The following GAD2 variants were observed in gnomAD, a reference collection of about 807,000 sequenced individuals.
GAD2 encodes the protein glutamate decarboxylase 2, also known as 65 kDa glutamic acid decarboxylase.
A neutral mutation model predicts 80.1 loss-of-function variants in GAD2; 22 were observed. The ratio of observed to expected loss-of-function variants is 0.27; its 90% CI spans 0.20 to 0.39. GAD2 has a LOEUF of 0.39. GAD2 is among the 10% of genes least tolerant of loss of function. The pLI, the probability that GAD2 is intolerant of heterozygous loss-of-function variation, is 1.00. For missense variants in GAD2, 624 were observed against 738.4 expected (o/e 0.85, Z 1.80); for synonymous variants, 274 against 256.9 (o/e 1.07, Z -0.64).
intron 15 of GAD2, among the ~76,000 whole-genome samples, chr10:26,299,086 A>G (rs1300224420): frequency 6.6e-6 from 1 of 152,170 alleles, no homozygotes; most frequent in Non-Finnish European, 1.5e-5. Flanking sequence ...GGAATCATCC[A>G]CGTTCATTTT....
intron 15 of GAD2, among the ~76,000 whole-genome samples, chr10:26,295,508 G>GCACGCA (rs1554853882): frequency 7.5e-6 from 1 of 133,822 alleles, no homozygotes; most frequent in East Asian, 2.2e-4. Flanking sequence ...TCATACGCAT[G>GCACGCA]CACACACACA....
Position 26,217,732 on chromosome 10 carries a change from T to G in GAD2, c.136+63T>G. ...GCGGGGTCCAAGCAGTCTTCTCACC[T>G]CCGCATCCCAGTCAGCGGAGTCGGG... is the stretch of plus-strand genomic sequence containing the variant. On this transcript the variant is annotated intron_variant, in intron 2 of 15. Coordinates refer to ENST00000376261, the MANE Select transcript of GAD2 (RefSeq NM_001134366.2). This position sits in a 1 kb window ranked among gnomAD's most constrained non-coding sequence, Gnocchi z 4.9. The G allele has an allele frequency of 6.3e-7, 1 of 1,594,194 alleles. No homozygotes were observed. Among genetic ancestry groups the G allele is most frequent in the Non-Finnish European group, 8.6e-7 (1 of 1,169,296 alleles).
chr10:26,303,224 A>T lies in GAD2; in HGVS notation c.*2263A>T, dbSNP rs1589157357. On this transcript the variant is annotated 3_prime_UTR_variant, in exon 16 of 16. Transcript: ENST00000376261. ...TTGTGCCTATATATGAAATTCCAGC[A>T]AAACAATTCTAGCAACAACAATAGC... is the stretch of plus-strand genomic sequence containing the variant. 1 of 152,186 alleles carries T rather than the reference A, an allele frequency of 6.6e-6. No homozygotes were observed. Among genetic ancestry groups the T allele is most frequent in the Non-Finnish European group, 1.5e-5 (1 of 68,052 alleles). The allele number at this position is 152,186 out of a possible 1,614,324, so 9.4% of individuals were successfully genotyped here. A position where few individuals can be genotyped will look rare whatever the true frequency, so the allele number is the denominator to read the frequency against.
chr10:26,254,690 A>T (rs1844923684), intron 8 of GAD2, among the ~76,000 whole-genome samples: 1 of 152,244 alleles, frequency 6.6e-6, no homozygotes, highest in South Asian at 2.1e-4. Flanking sequence ...CAGGGGAACA[A>T]CAGCATATTT....
chr10:26,268,526 G>A (rs528370782), intron 8 of GAD2, among the ~76,000 whole-genome samples: 1 of 151,480 alleles, frequency 6.6e-6, no homozygotes, highest in South Asian at 2.1e-4. Context: ...ATAATATTAA[G>A]CAAAGCAGTA....
chr10:26,265,700 TA>T (rs1247056053), intron 8 of GAD2, among the ~76,000 whole-genome samples: 1 of 152,338 alleles, frequency 6.6e-6, no homozygotes, highest in African/African-American at 2.4e-5. Flanking sequence ...GTATAATTAT[TA>T]AAGATATATG....
intron 8 of GAD2, among the ~76,000 whole-genome samples, chr10:26,255,330 A>G (rs1484995569): frequency 6.6e-6 from 1 of 152,122 alleles, no homozygotes; most frequent in East Asian, 1.9e-4. Context: ...GCGGCTGATG[A>G]GTTTGGCAAG....
At chr10:26,287,514 A>G (rs955968557) in intron 13 of GAD2, among the ~76,000 whole-genome samples, 1 of 152,260 alleles carries the variant, frequency 6.6e-6, no homozygotes, top group Admixed American at 6.5e-5. Flanking sequence ...GGAAGATTAC[A>G]TAATTGTTTT....
chr10:26,218,541 T>TCTCG (rs1264231708), intron 3 of GAD2, among the ~76,000 whole-genome samples: 8 of 88,894 alleles, frequency 9.0e-5, no homozygotes, highest in African/African-American at 2.7e-4. Context: ...ATACGCTCTC[T>TCTCG]CTCTCTCTCT....
intron 8 of GAD2, among the ~76,000 whole-genome samples, chr10:26,261,190 T>G (rs1845005579): frequency 6.6e-6 from 1 of 152,242 alleles, no homozygotes; most frequent in African/African-American, 2.4e-5. Context: ...TTTTTGGTAG[T>G]CAGAGTGATC....
At chr10:26,282,567 T>C (rs949740517) in intron 12 of GAD2, among the ~76,000 whole-genome samples, 8 of 152,198 alleles carry the variant, frequency 5.3e-5, no homozygotes, top group African/African-American at 1.7e-4. Flanking sequence ...CAAAACCTGA[T>C]TTTAATGGCC....
At chr10:26,236,586 C>G (rs1844675109) in intron 7 of GAD2, among the ~76,000 whole-genome samples, 1 of 152,180 alleles carries the variant, frequency 6.6e-6, no homozygotes, top group Non-Finnish European at 1.5e-5. Flanking sequence ...CAGGCGTGAG[C>G]CACCGCACCT....
chr10:26,224,061 T>G, intron 5 of GAD2, 84 bp downstream of exon 5: 2 of 1,003,234 alleles, frequency 2.0e-6, no homozygotes, highest in Non-Finnish European at 3.0e-6. Flanking sequence ...TGAAAATCTG[T>G]TTTTTATTAA....
rs1157168097 is a variant in GAD2, at chr10:26,270,691, G to A, written c.1027G>A (p.Ala343Thr). The A allele has an allele frequency of 3.1e-6, 5 of 1,614,160 alleles. No individual in the cohort carries two copies. The highest frequency in any genetic ancestry group is 1.6e-4 in the Middle Eastern group (1 of 6,062). Residue 343 changes from alanine to threonine, a missense_variant, in exon 10 of 16, where the codon GCA (alanine) becomes ACA (threonine). By Grantham distance (58) the Ala-to-Thr change is moderately conservative (BLOSUM62 0). Transcript: ENST00000376261. ...SATAGTTVYG[A>T]FDPLLAVADI... ...CACAGCTGGAACCACCGTGTACGGA[G>A]CATTTGACCCCCTCTTAGCTGTCGC...
chr10:26,264,841 C>T (rs1390647798), intron 8 of GAD2, among the ~76,000 whole-genome samples: 3 of 152,174 alleles, frequency 2.0e-5, no homozygotes, highest in Admixed American at 1.3e-4. Flanking sequence ...TTTGCACTCA[C>T]GTTTTTAGGA....
chr10:26,218,995 T>C (rs943356192), intron 3 of GAD2, 48 bp from the exon 4 acceptor site: 2 of 1,396,512 alleles, frequency 1.4e-6, no homozygotes, highest in Non-Finnish European at 1.9e-6. Context: ...TTGCCTTGAA[T>C]ATTTTCAAAG....
intron 6 of GAD2, 63 bp downstream of exon 6, chr10:26,224,714 C>CTAGG: frequency 8.3e-7 from 1 of 1,198,070 alleles, no homozygotes. Context: ...TGTTGTAAAC[C>CTAGG]TAGGGAAGAT....
chr10:26,302,535 C>T lies in GAD2; in HGVS notation c.*1574C>T, dbSNP rs1041644428. The T allele has an allele frequency of 8.5e-5, 13 of 152,224 alleles. No homozygotes were observed. The highest frequency in any genetic ancestry group is 2.4e-4 in the African/African-American group (10 of 41,452). 9.4% of individuals were successfully genotyped at this position (152,224 alleles called of 1,614,324 possible). A position where few individuals can be genotyped will look rare whatever the true frequency, so the allele number is the denominator to read the frequency against. ...GGAGAACAATAGATTGATATGCAGA[C>T]TGCAAATGCAAATTTAGGAACATTC... On this transcript the variant is annotated 3_prime_UTR_variant, in exon 16 of 16. Transcript: ENST00000376261.
At chr10:26,229,626 A>AT (rs1844573432) in intron 6 of GAD2, 36 bp from the exon 7 acceptor site, 1 of 1,430,818 alleles carries the variant, frequency 7.0e-7, no homozygotes, top group African/African-American at 1.4e-5. Flanking sequence ...GAGGTTGATA[A>AT]TAAATAAAGT....
Sources: gnomAD v4.1 joint callset for allele counts (sites outside exome capture counted in the v4.1 genomes callset) on GRCh38, gnomAD v4.1.1 for gene constraint, Gnocchi (gnomAD v3.1) non-coding constraint, MANE v1.5 for transcripts, NCBI Gene and HGNC (gene_info 2026-07-23, HGNC 2026-07-21) for gene names.